Variants in ZNF740 observed in about 807,000 individuals in gnomAD.
The protein encoded by ZNF740 is zinc finger protein 740, also known as oriLyt TD-element-binding protein 7.
A neutral mutation model predicts 24.8 loss-of-function variants in ZNF740; 14 were observed. The observed-to-expected ratio is 0.56, with a 90% CI of 0.37 to 0.88. The LOEUF is 0.88. Among genes scored for constraint, ZNF740 ranks in the 40% least tolerant of loss-of-function variants. The probability of loss-of-function intolerance (pLI) is 0.00; values close to 1 mark genes in which losing one functional copy is unlikely to be tolerated. For missense variants in ZNF740, 201 were observed against 247.9 expected, an observed-to-expected ratio of 0.81 and a Z score of 1.27; for synonymous variants, 69 against 84.0, an observed-to-expected ratio of 0.82 and a Z score of 0.98.
At position 53,193,759 on chromosome 12, in the gene ZNF740, T is replaced by C; in HGVS notation, c.*6169T>C. The C allele has an allele frequency of 6.2e-7, 1 of 1,613,908 alleles. No homozygotes were observed. Among genetic ancestry groups the C allele is most frequent in the Non-Finnish European group, 8.5e-7 (1 of 1,179,934 alleles). On this transcript the variant is annotated 3_prime_UTR_variant, in exon 7 of 7. Transcript: ENST00000416904. ...CTGGCCATCACTGCAGTGGGGAGCC[T>C]GGGGCTGGGTGTCACTGCAATTACA...
rs1436982059 is a variant in ZNF740, at chr12:53,184,909, G to A, written c.28G>A (p.Glu10Lys). The A allele has an allele frequency of 2.5e-6, 4 of 1,613,342 alleles. No individual in the cohort carries two copies. The highest frequency in any genetic ancestry group is 2.5e-6 in the Non-Finnish European group (3 of 1,179,698). Residue 10 changes from glutamate (E) to lysine (K), a missense_variant, in exon 3 of 7, where the codon GAA becomes AAA. Glu to Lys is a moderately conservative substitution (Grantham distance 56). Around this residue, in one of 3 missense-constraint regions of ZNF740, gnomAD observed 117 missense variants for 122.3 expected, o/e 0.96. Coordinates refer to ENST00000416904, the MANE Select transcript of ZNF740 (RefSeq NM_001004304.4). ...AACTTAGGCAAGTCTCCTGGCTTGTGAAGGCCTAGCAGGTGTGAGTTTGGT... is the reference window on the plus strand; with the variant it reads ...AACTTAGGCAAGTCTCCTGGCTTGTAAAGGCCTAGCAGGTGTGAGTTTGGT... Reference protein sequence around the residue: MAQASLLACEGLAGVSLVPT... With the variant: MAQASLLACKGLAGVSLVPT...
chr12:53,194,692 C>T lies in ZNF740; in HGVS notation c.*7102C>T. 4.6e-6 allele frequency: 1 copy of T among 216,242 alleles called. No individual in the cohort carries two copies. The highest frequency in any genetic ancestry group is 9.8e-5 in the South Asian group (1 of 10,228). The allele number at this position is 216,242 out of a possible 1,614,324, so 13.4% of individuals were successfully genotyped here. On this transcript the variant is annotated 3_prime_UTR_variant, in exon 7 of 7. Coordinates refer to ENST00000416904, the MANE Select transcript of ZNF740 (RefSeq NM_001004304.4). ...GCATGCCAGGTCTAAAGGGCAGATT[C>T]ATTACAGAGTTTATCTTGGGAAATT...
At position 53,193,045 on chromosome 12, in the gene ZNF740, T is replaced by G; in HGVS notation, c.*5455T>G. 7.2e-7 allele frequency: 1 copy of G among 1,384,000 alleles called. No individual in the cohort carries two copies. Among genetic ancestry groups the G allele is most frequent in the African/African-American group, 1.4e-5 (1 of 70,312 alleles). 85.7% of individuals were successfully genotyped at this position (1,384,000 alleles called of 1,614,324 possible). On this transcript the variant is annotated 3_prime_UTR_variant, in exon 7 of 7. Coordinates refer to ENST00000416904, the MANE Select transcript of ZNF740 (RefSeq NM_001004304.4). ...CCCTCTAACCCATACACCGGAATCT[T>G]TTGATATTTGCCTTCCATGCCAGGA...
At position 53,193,344 on chromosome 12, in the gene ZNF740, C is replaced by T. The variant is rs1942036811; in HGVS notation, c.*5754C>T. 2 of 1,590,888 alleles carry T rather than the reference C, an allele frequency of 1.3e-6. No homozygotes were observed. The highest frequency in any genetic ancestry group is 2.7e-5 in the African/African-American group (2 of 74,400). On this transcript the variant is annotated 3_prime_UTR_variant, in exon 7 of 7. Coordinates refer to ENST00000416904, the MANE Select transcript of ZNF740 (RefSeq NM_001004304.4). ...GCCACAGAGCACTCACAGAGCCGAC[C>T]TAGGCGGCCAGGGGCACAGCTGGAA...
Position 53,192,989 on chromosome 12 carries a change from C to A in ZNF740, c.*5399C>A. The stretch of plus-strand genomic sequence containing the variant: ...CATCATGTGGCACGACAAGCCCACG[C>A]ATCCAATCTTTTTGAAGTATGCCAA... On this transcript the variant is annotated 3_prime_UTR_variant, in exon 7 of 7. Coordinates refer to ENST00000416904, the MANE Select transcript of ZNF740 (RefSeq NM_001004304.4). 6.9e-7 allele frequency: 1 copy of A among 1,459,136 alleles called. No individual in the cohort carries two copies. Among genetic ancestry groups the A allele is most frequent in the Non-Finnish European group, 9.5e-7 (1 of 1,052,446 alleles). The allele number at this position is 1,459,136 out of a possible 1,614,324, so 90.4% of individuals were successfully genotyped here. A position where few individuals can be genotyped will look rare whatever the true frequency, so the allele number is the denominator to read the frequency against.
Position 53,193,650 on chromosome 12 carries a change from G to A in ZNF740, c.*6060G>A. 6.9e-7 allele frequency: 1 copy of A among 1,456,142 alleles called. No individual in the cohort carries two copies. Among genetic ancestry groups the A allele is most frequent in the South Asian group, 1.3e-5 (1 of 77,664 alleles). The allele number at this position is 1,456,142 out of a possible 1,614,324, so 90.2% of individuals were successfully genotyped here. On this transcript the variant is annotated 3_prime_UTR_variant, in exon 7 of 7. Transcript: ENST00000416904. ...GGATGGAAAGCAGCGGAGGAATACG[G>A]GCCAGGGTTGGTTGGTTGTTGGGAG...
Position 53,193,843 on chromosome 12 carries a change from C to T in ZNF740, c.*6253C>T. ...CTCTGAGAAGCCAAGGGCCCGGAGC[C>T]TCAGGAGATGGGGCTCTGGGAGGCA... On this transcript the variant is annotated 3_prime_UTR_variant, in exon 7 of 7. Coordinates refer to ENST00000416904, the MANE Select transcript of ZNF740 (RefSeq NM_001004304.4). The T allele has an allele frequency of 1.2e-6, 2 of 1,614,078 alleles. No homozygotes were observed. The highest frequency in any genetic ancestry group is 8.5e-7 in the Non-Finnish European group (1 of 1,179,996).
In ZNF740 at chr12:53,188,934, T is replaced by G. The variant is rs1186113897; in HGVS notation, c.*1344T>G. 6.6e-6 allele frequency: 1 copy of G among 152,112 alleles called. No individual in the cohort carries two copies. Among genetic ancestry groups the G allele is most frequent in the Non-Finnish European group, 1.5e-5 (1 of 68,020 alleles). The allele number at this position is 152,112 out of a possible 1,614,324, so 9.4% of individuals were successfully genotyped here. A position where few individuals can be genotyped will look rare whatever the true frequency, so the allele number is the denominator to read the frequency against. The stretch of plus-strand genomic sequence containing the variant: ...AGAGTGTGTGTGAGATATGAATGCA[T>G]GTATTTGTATGCTTGCAGGAGATGG... On this transcript the variant is annotated 3_prime_UTR_variant, in exon 7 of 7. Coordinates refer to ENST00000416904, the MANE Select transcript of ZNF740 (RefSeq NM_001004304.4).
chr12:53,181,246 C>T (rs1396716296), intron 1 of ZNF740: 1 of 985,322 alleles, frequency 1.0e-6, no homozygotes, highest in East Asian at 1.1e-4. Flanking sequence ...ACGGGGAGAA[C>T]GCACACGTGT....
chr12:53,187,415 G>A lies in ZNF740; in HGVS notation c.493-86G>A, dbSNP rs1941844898. 35 of 1,071,578 alleles carry A rather than the reference G, an allele frequency of 3.3e-5. No homozygotes were observed. The South Asian group carries it at 3.9e-4, about 12-fold the overall frequency. 66.4% of individuals were successfully genotyped at this position (1,071,578 alleles called of 1,614,324 possible). On this transcript the variant is annotated intron_variant, in intron 6 of 6. Coordinates refer to ENST00000416904, the MANE Select transcript of ZNF740 (RefSeq NM_001004304.4). The stretch of plus-strand genomic sequence containing the variant: ...ACGTGCTGAGGGGATGGAGAATGTG[G>A]TATCTGCCTCCTGTGAGAGGAATGA...
Position 53,189,303 on chromosome 12 carries a change from A to T in ZNF740, c.*1713A>T, listed in dbSNP as rs1941883937. ...GACCTGACCTGTGGCGGGTACGGGAACTGTCTTAGTAATCATGGAGACTGG... is the reference window on the plus strand; with the variant it reads ...GACCTGACCTGTGGCGGGTACGGGATCTGTCTTAGTAATCATGGAGACTGG... On this transcript the variant is annotated 3_prime_UTR_variant, in exon 7 of 7. Coordinates refer to ENST00000416904, the MANE Select transcript of ZNF740 (RefSeq NM_001004304.4). The T allele has an allele frequency of 6.6e-6, 1 of 152,088 alleles. No individual in the cohort carries two copies. The highest frequency in any genetic ancestry group is 2.4e-5 in the African/African-American group (1 of 41,414). The allele number at this position is 152,088 out of a possible 1,614,324, so 9.4% of individuals were successfully genotyped here.
At position 53,192,290 on chromosome 12, in the gene ZNF740, C is replaced by T. The variant is rs1442577291; in HGVS notation, c.*4700C>T. 1 of 1,590,202 alleles carries T rather than the reference C, an allele frequency of 6.3e-7. No individual in the cohort carries two copies. Among genetic ancestry groups the T allele is most frequent in the Non-Finnish European group, 8.6e-7 (1 of 1,159,700 alleles). On this transcript the variant is annotated 3_prime_UTR_variant, in exon 7 of 7. Transcript: ENST00000416904. ...GCATCCCCAGAGTTGAGACCCTGCC[C>T]ATCAAACTTCCAGGGTTTGTGGCAT...
In ZNF740 at chr12:53,191,237, G is replaced by A. The variant is rs1941931972; in HGVS notation, c.*3647G>A. 1 of 349,540 alleles carries A rather than the reference G, an allele frequency of 2.9e-6. No homozygotes were observed. The highest frequency in any genetic ancestry group is 5.5e-6 in the Non-Finnish European group (1 of 181,556). 21.7% of individuals were successfully genotyped at this position (349,540 alleles called of 1,614,324 possible). A position where few individuals can be genotyped will look rare whatever the true frequency, so the allele number is the denominator to read the frequency against. ...CTCTCCCTGCCCTCAGGTGGCAAGA[G>A]GAGGATGGACAAGAGCTTTCCCGAG... On this transcript the variant is annotated 3_prime_UTR_variant, in exon 7 of 7. Transcript: ENST00000416904.
intron 6 of ZNF740, 161 bp downstream of exon 6, chr12:53,186,670 C>G: frequency 1.8e-6 from 1 of 563,378 alleles, no homozygotes; most frequent in Non-Finnish European, 3.2e-6. Flanking sequence ...TGCAGCTGAT[C>G]ATGGGGAGCA....
At chr12:53,186,331 G>A in intron 5 of ZNF740, 60 bp from the exon 6 acceptor site, 1 of 1,436,362 alleles carries the variant, frequency 7.0e-7, no homozygotes, top group Non-Finnish European at 9.6e-7. Context: ...TGAGAAAACT[G>A]GAATGAGGTC....
At chr12:53,184,134 TGTGTGTGTGTGTGTGTGC>T (rs1480244571) in intron 2 of ZNF740, among the ~76,000 whole-genome samples, 6 of 129,336 alleles carry the variant, frequency 4.6e-5, no homozygotes, top group African/African-American at 1.1e-4. Flanking sequence ...TGTGTGTGTG[TGTGTGTGTGTGTGTGTGC>T]GCGCGCGCGC....
rs570455768 is a variant in ZNF740, at chr12:53,182,032, G to A, written c.9+40G>A. ...AGTCCTCCTCCAAGATAACTGGGAA[G>A]CCTGTTTGCAGTTTCACTCTTGAAT... On this transcript the variant is annotated intron_variant, in intron 2 of 6. Transcript: ENST00000416904. 163 of 1,600,084 alleles carry A rather than the reference G, an allele frequency of 1.0e-4. 2 individuals are homozygous for A. The South Asian group carries it at 1.7e-3, about 16-fold the overall frequency.
In ZNF740 at chr12:53,191,985, G is replaced by A. The variant is rs1445401517; in HGVS notation, c.*4395G>A. On this transcript the variant is annotated 3_prime_UTR_variant, in exon 7 of 7. Transcript: ENST00000416904. ...CCACTGCCACGATGCCCCCTACGCAGCCCAGCACAATGGCCTGCGTGTGGT... is the reference window on the plus strand; with the variant it reads ...CCACTGCCACGATGCCCCCTACGCAACCCAGCACAATGGCCTGCGTGTGGT... The A allele has an allele frequency of 1.2e-6, 2 of 1,612,792 alleles. No individual in the cohort carries two copies. The highest frequency in any genetic ancestry group is 2.2e-5 in the East Asian group (1 of 44,864).
Position 53,181,856 on chromosome 12 carries a change from C to G in ZNF740, c.-128C>G. On this transcript the variant is annotated 5_prime_UTR_variant, in exon 2 of 7. Coordinates refer to ENST00000416904, the MANE Select transcript of ZNF740 (RefSeq NM_001004304.4). ...TTGAAGACAAAGTTCAATATGGCAA[C>G]AGGACTGATGGGACACGAAGGAGTC... 3.4e-6 allele frequency: 4 copies of G among 1,193,240 alleles called. No individual in the cohort carries two copies. Among genetic ancestry groups the G allele is most frequent in the Non-Finnish European group, 4.8e-6 (4 of 837,168 alleles). 73.9% of individuals were successfully genotyped at this position (1,193,240 alleles called of 1,614,324 possible).
Sources: allele counts gnomAD v4.1 joint callset (sites outside exome capture counted in the v4.1 genomes callset), GRCh38; gene constraint gnomAD v4.1.1; regional missense constraint gnomAD v4.1.1; transcripts MANE v1.5; gene names NCBI Gene and HGNC (gene_info 2026-07-23, HGNC 2026-07-21).